The following SORCS3 variants were observed in gnomAD, a reference collection of about 807,000 sequenced individuals.
SORCS3 encodes VPS10 domain-containing receptor SorCS3.
Under a neutral mutation model 146.3 loss-of-function variants are expected in SORCS3, and 57 were observed. That is an observed-to-expected ratio of 0.39 (90% CI 0.31 to 0.49). The LOEUF is 0.49. Ranked by LOEUF, SORCS3 falls within the 20% of genes least tolerant of loss-of-function variation. The pLI, the probability that SORCS3 is intolerant of heterozygous loss-of-function variation, is 0.92. For synonymous variants in SORCS3, 653 were observed against 618.5 expected, an observed-to-expected ratio of 1.06 and a Z score of -0.83; for missense variants, 1,341 against 1,575.5, an observed-to-expected ratio of 0.85 and a Z score of 2.52.
At chr10:105,193,347 C>T (rs1022009151) in intron 14 of SORCS3, among the ~76,000 whole-genome samples, 2 of 152,286 alleles carry the variant, frequency 1.3e-5, no homozygotes, top group Middle Eastern at 3.4e-3. Flanking sequence ...GAAGCTATTA[C>T]CTCAATTTTG....
At chr10:105,227,605 C>T (rs551158889) in intron 20 of SORCS3, among the ~76,000 whole-genome samples, 17 of 151,930 alleles carry the variant, frequency 1.1e-4, no homozygotes, top group African/African-American at 3.9e-4. Context: ...CTTTGTTTTC[C>T]GTCTAGATGA....
intron 1 of SORCS3, among the ~76,000 whole-genome samples, chr10:104,699,047 C>G (rs1051647679): frequency 1.3e-5 from 2 of 152,112 alleles, no homozygotes; most frequent in Admixed American, 6.6e-5. Context: ...AGAAGGGATC[C>G]ATCGTCTTCT....
chr10:105,192,198 G>A (rs766225767), intron 14 of SORCS3, among the ~76,000 whole-genome samples: 94 of 152,060 alleles, frequency 6.2e-4, no homozygotes, highest in Non-Finnish European at 7.9e-4. Flanking sequence ...TTCTTAAAGA[G>A]GAAATAAGGA....
chr10:104,856,323 A>G (rs1325419817), intron 2 of SORCS3, among the ~76,000 whole-genome samples: 2 of 151,100 alleles, frequency 1.3e-5, no homozygotes, highest in Non-Finnish European at 2.9e-5. Context: ...AGGCATATAT[A>G]TATAAATTAG....
intron 1 of SORCS3, among the ~76,000 whole-genome samples, chr10:104,752,905 G>T (rs924988661): frequency 4.6e-5 from 7 of 151,742 alleles, no homozygotes; most frequent in African/African-American, 1.2e-4. Flanking sequence ...CTTGGAAAGG[G>T]TTTGTTGGAA....
intron 1 of SORCS3, among the ~76,000 whole-genome samples, chr10:104,765,159 C>A (rs2017164978): frequency 6.6e-6 from 1 of 152,182 alleles, no homozygotes; most frequent in Admixed American, 6.5e-5. Flanking sequence ...CCCGTGGAAC[C>A]TAGTCTTTTC....
intron 3 of SORCS3, among the ~76,000 whole-genome samples, chr10:104,929,835 C>T (rs2019189105): frequency 6.6e-6 from 1 of 152,166 alleles, no homozygotes; most frequent in Admixed American, 6.5e-5. Context: ...CCAGACAAAG[C>T]CAGCGTGCAA....
At chr10:104,934,076 G>A (rs1432705036) in intron 3 of SORCS3, among the ~76,000 whole-genome samples, 7 of 152,170 alleles carry the variant, frequency 4.6e-5, no homozygotes, top group African/African-American at 1.7e-4. Flanking sequence ...ACAAGCATGA[G>A]CCACTGTGCC....
rs143081581 is a variant in SORCS3, at chr10:104,892,019, C to G, written c.696-23814C>G. On this transcript the variant is annotated intron_variant, in intron 2 of 26. Coordinates refer to ENST00000369701, the MANE Select transcript of SORCS3 (RefSeq NM_014978.3). ...TTTTCTCTAAATAGGTTTGTGACCC[C>G]TCAGTGAAGATGTAGACTGTCAGCG... 2.2e-3 allele frequency among the ~76,000 whole-genome samples: 338 copies of G among 152,296 alleles called. 3 individuals carry two copies. Among genetic ancestry groups the G allele is most frequent in the African/African-American group, 7.7e-3 (322 of 41,554 alleles).
intron 14 of SORCS3, among the ~76,000 whole-genome samples, chr10:105,184,743 A>G (rs1013778996): frequency 6.6e-6 from 1 of 152,240 alleles, no homozygotes; most frequent in African/African-American, 2.4e-5. Context: ...GACCATCACC[A>G]CAATTGCAGT....
chr10:104,920,421 T>C (rs780431194), intron 3 of SORCS3, among the ~76,000 whole-genome samples: 1 of 152,256 alleles, frequency 6.6e-6, no homozygotes, highest in Non-Finnish European at 1.5e-5. Context: ...GGTGTTAACC[T>C]GTGTATAGTT....
Position 105,058,145 on chromosome 10 carries a change from G to A in SORCS3, c.1028+15017G>A, listed in dbSNP as rs185222613. Among the ~76,000 whole-genome samples, 138 of 152,326 alleles carry A rather than the reference G, an allele frequency of 9.1e-4. 1 individual carries two copies. Among genetic ancestry groups the A allele is most frequent in the South Asian group, 7.5e-3 (36 of 4,830 alleles). ...GCAGAGAGAGATGGAACCCCTGGGG[G>A]ATCCCAGCTCTGCAGACTTAGCATT... On this transcript the variant is annotated intron_variant, in intron 5 of 26. Coordinates refer to ENST00000369701, the MANE Select transcript of SORCS3 (RefSeq NM_014978.3).
Position 105,139,036 on chromosome 10 carries a change from T to A in SORCS3, c.1213-361T>A, listed in dbSNP as rs556396393. ...ATGGTTGGAATGAATTAATAAACAA[T>A]TCAAAAAGAATAAATAGATCATGGG... On this transcript the variant is annotated intron_variant, in intron 7 of 26. Transcript: ENST00000369701. Among the ~76,000 whole-genome samples the A allele has an allele frequency of 7.2e-5, 11 of 152,326 alleles. No homozygotes were observed. The East Asian group carries it at 1.5e-3, about 21-fold the overall frequency.
chr10:104,819,197 G>T (rs773475451), intron 1 of SORCS3, among the ~76,000 whole-genome samples: 9 of 152,134 alleles, frequency 5.9e-5, no homozygotes, highest in Non-Finnish European at 1.3e-4. Flanking sequence ...CACCTGGATA[G>T]CCTATAAAAT....
At chr10:104,823,923 T>C (rs1315666230) in intron 1 of SORCS3, among the ~76,000 whole-genome samples, 2 of 152,138 alleles carry the variant, frequency 1.3e-5, no homozygotes, top group Admixed American at 1.3e-4. Context: ...GAAAAGTCAG[T>C]TTTCAGAGTG....
At chr10:104,891,478 C>A (rs1449211921) in intron 2 of SORCS3, among the ~76,000 whole-genome samples, 1 of 152,122 alleles carries the variant, frequency 6.6e-6, no homozygotes, top group South Asian at 2.1e-4. Flanking sequence ...TCAGGGAGAT[C>A]ACTGGGCTTC....
intron 5 of SORCS3, among the ~76,000 whole-genome samples, chr10:105,087,422 A>T (rs1022178968): frequency 6.6e-6 from 1 of 151,992 alleles, no homozygotes; most frequent in African/African-American, 2.4e-5. Context: ...AATTCTAAAA[A>T]TATTACAGTG....
At chr10:105,076,571 A>G (rs2055590789) in intron 5 of SORCS3, among the ~76,000 whole-genome samples, 1 of 152,170 alleles carries the variant, frequency 6.6e-6, no homozygotes, top group Non-Finnish European at 1.5e-5. Flanking sequence ...GCCCTCGGGA[A>G]GTACTTGCTT....
chr10:104,942,506 A>G (rs1179992316), intron 3 of SORCS3, among the ~76,000 whole-genome samples: 4 of 152,274 alleles, frequency 2.6e-5, no homozygotes, highest in African/African-American at 7.2e-5. Flanking sequence ...AATAAGAATT[A>G]CAGATTAATC....
Sources: allele counts gnomAD v4.1 joint callset (sites outside exome capture counted in the v4.1 genomes callset), GRCh38; gene constraint gnomAD v4.1.1; transcripts MANE v1.5; gene names NCBI Gene and HGNC (gene_info 2026-07-23, HGNC 2026-07-21).